The following BRINP1 variants were observed in gnomAD, a reference collection of about 807,000 sequenced individuals.
BRINP1 encodes the protein BMP/retinoic acid inducible neural specific 1.
A neutral mutation model predicts 72.9 loss-of-function variants in BRINP1; 17 were observed. That is an observed-to-expected ratio of 0.23 (90% CI 0.16 to 0.35). The LOEUF (loss-of-function observed/expected upper bound fraction) is 0.35, where lower values mean the gene tolerates loss of function less well. Ranked by LOEUF, BRINP1 falls within the 10% of genes least tolerant of loss-of-function variation. BRINP1 has a pLI of 1.00. For missense variants in BRINP1, 850 were observed against 1,001.6 expected, an observed-to-expected ratio of 0.85 and a Z score of 2.04; for synonymous variants, 418 against 378.5, an observed-to-expected ratio of 1.10 and a Z score of -1.21.
intron 2 of BRINP1, among the ~76,000 whole-genome samples, chr9:119,305,168 G>A (rs937913707): frequency 5.6e-4 from 85 of 152,280 alleles, no homozygotes; most frequent in African/African-American, 1.9e-3. Context: ...TGATATTTAA[G>A]AAGCATCACA....
chr9:119,249,860 G>A (rs11794856), intron 2 of BRINP1, among the ~76,000 whole-genome samples: 5,231 of 21,634 alleles, frequency 0.24, 351 homozygotes, highest in East Asian at 0.4. Flanking sequence ...GGAAGGGAGG[G>A]AGGGAGGGAG....
intron 7 of BRINP1, among the ~76,000 whole-genome samples, chr9:119,187,291 C>T (rs560471657): frequency 7.9e-5 from 12 of 151,942 alleles, no homozygotes; most frequent in East Asian, 7.8e-4. Flanking sequence ...TACCCAACTC[C>T]GAAAGGAATT....
intron 7 of BRINP1, among the ~76,000 whole-genome samples, chr9:119,180,663 T>C (rs530276020): frequency 6.6e-6 from 1 of 152,308 alleles, no homozygotes; most frequent in Admixed American, 6.5e-5. Flanking sequence ...TCACTATTTT[T>C]CCCAGATAAA....
chr9:119,198,851 T>C (rs1292679918), intron 7 of BRINP1, among the ~76,000 whole-genome samples: 1 of 152,052 alleles, frequency 6.6e-6, no homozygotes, highest in Non-Finnish European at 1.5e-5. Flanking sequence ...TTTGTATTTT[T>C]TAGTAGAGAT....
rs141030860 is a variant in BRINP1 at position 119,169,254 on chromosome 9, G to A, written c.1146-1030C>T. Among the ~76,000 whole-genome samples the A allele has an allele frequency of 2.8e-3, 430 of 152,314 alleles. 2 individuals are homozygous for A. Among genetic ancestry groups the A allele is most frequent in the East Asian group, 5.6e-3 (29 of 5,172 alleles). ...CACTAGGGAGTGCCAGACAGTGGGCGCAGGTCATTGGGTGCACGCACCGTG... is the reference window on the plus strand; with the variant it reads ...CACTAGGGAGTGCCAGACAGTGGGCACAGGTCATTGGGTGCACGCACCGTG... On this transcript the variant is annotated intron_variant, in intron 7 of 7. Transcript: ENST00000265922.
At chr9:119,198,221 T>C (rs952733094) in intron 7 of BRINP1, among the ~76,000 whole-genome samples, 2 of 152,222 alleles carry the variant, frequency 1.3e-5, no homozygotes, top group Non-Finnish European at 2.9e-5. Context: ...CATGTATACA[T>C]TTTAGGATTT....
intron 2 of BRINP1, among the ~76,000 whole-genome samples, chr9:119,311,753 C>A (rs1171557205): frequency 6.6e-6 from 1 of 152,098 alleles, no homozygotes; most frequent in Non-Finnish European, 1.5e-5. Context: ...CTAAAACAAC[C>A]CCCCAGATGT....
chr9:119,309,331 T>C (rs1435524457), intron 2 of BRINP1, among the ~76,000 whole-genome samples: 2 of 151,968 alleles, frequency 1.3e-5, no homozygotes, highest in African/African-American at 4.8e-5. Flanking sequence ...CCAGGGAGAG[T>C]TGTGACAGCA....
chr9:119,336,040 A>G (rs1434051146), intron 1 of BRINP1, among the ~76,000 whole-genome samples: 1 of 152,200 alleles, frequency 6.6e-6, no homozygotes, highest in African/African-American at 2.4e-5. Context: ...TATGGGTAAA[A>G]GTCTCTTGGT....
chr9:119,186,929 G>A (rs1406838671), intron 7 of BRINP1, among the ~76,000 whole-genome samples: 2 of 151,964 alleles, frequency 1.3e-5, no homozygotes, highest in African/African-American at 2.4e-5. Flanking sequence ...CCTGATGCCC[G>A]AGTTGTCTTT....
At chr9:119,239,850 T>C (rs924368191) in intron 4 of BRINP1, among the ~76,000 whole-genome samples, 3 of 152,128 alleles carry the variant, frequency 2.0e-5, no homozygotes, top group African/African-American at 4.8e-5. Context: ...TTTATTTTTA[T>C]ATAAAAATAA....
At chr9:119,182,560 A>G (rs1829569386) in intron 7 of BRINP1, among the ~76,000 whole-genome samples, 1 of 152,230 alleles carries the variant, frequency 6.6e-6, no homozygotes, top group South Asian at 2.1e-4. Flanking sequence ...TGGAGCTCTC[A>G]CTAGTGGAAT....
chr9:119,187,688 A>C (rs772878220), intron 7 of BRINP1, among the ~76,000 whole-genome samples: 1 of 152,230 alleles, frequency 6.6e-6, no homozygotes, highest in African/African-American at 2.4e-5. Flanking sequence ...CCAAAAGAAC[A>C]AAATAATTAT....
Position 119,176,857 on chromosome 9 carries a change from C to T in BRINP1, c.1146-8633G>A, listed in dbSNP as rs114405508. ...ATGGCTTCCCAGCATGCTTTGCTTT[C>T]GATGAGTTGCTTATCGGCTGGGAAA... On this transcript the variant is annotated intron_variant, in intron 7 of 7. Transcript: ENST00000265922. Among the ~76,000 whole-genome samples the T allele has an allele frequency of 3.2e-3, 491 of 152,150 alleles. 4 individuals are homozygous for T. Among genetic ancestry groups the T allele is most frequent in the African/African-American group, 0.011 (472 of 41,482 alleles).
chr9:119,244,793 CT>C (rs1564227116), intron 3 of BRINP1, among the ~76,000 whole-genome samples: 1 of 152,204 alleles, frequency 6.6e-6, no homozygotes, highest in East Asian at 1.9e-4. Context: ...TTGGGCATTC[CT>C]GCAAATTGCC....
intron 2 of BRINP1, among the ~76,000 whole-genome samples, chr9:119,307,763 A>AG (rs1480123893): frequency 2.0e-5 from 3 of 152,202 alleles, no homozygotes; most frequent in Non-Finnish European, 4.4e-5. Context: ...TAAGAAAAAG[A>AG]GGTTGTACGG....
intron 2 of BRINP1, among the ~76,000 whole-genome samples, chr9:119,250,402 T>A (rs1433635373): frequency 6.6e-6 from 1 of 152,172 alleles, no homozygotes; most frequent in African/African-American, 2.4e-5. Flanking sequence ...GACACCAAAT[T>A]TGGAAGTCCA....
intron 7 of BRINP1, among the ~76,000 whole-genome samples, chr9:119,169,847 G>A (rs1416485171): frequency 2.6e-5 from 4 of 152,114 alleles, no homozygotes; most frequent in African/African-American, 2.4e-5. Context: ...AGCCTAACTG[G>A]GAGGCACCCC....
At chr9:119,346,660 A>T (rs1249212274) in intron 1 of BRINP1, among the ~76,000 whole-genome samples, 1 of 152,248 alleles carries the variant, frequency 6.6e-6, no homozygotes, top group Non-Finnish European at 1.5e-5. Flanking sequence ...TTGTAACAAT[A>T]GAATCGCAAG....
Sources: gnomAD v4.1 joint callset for allele counts (sites outside exome capture counted in the v4.1 genomes callset) on GRCh38, gnomAD v4.1.1 for gene constraint, MANE v1.5 for transcripts, NCBI Gene and HGNC (gene_info 2026-07-23, HGNC 2026-07-21) for gene names.